TUBD1: variants seen among roughly 807,000 people sequenced by gnomAD.
TUBD1 encodes tubulin delta 1, also known as tubulin delta chain.
TUBD1 carries 38 observed loss-of-function variants against 51.2 expected under a neutral mutation model. The observed-to-expected ratio is 0.74, with a 90% CI of 0.57 to 0.97. The LOEUF (loss-of-function observed/expected upper bound fraction) is 0.97. TUBD1 is among the 50% of genes least tolerant of loss of function. TUBD1 has a pLI of 0.00. For synonymous variants in TUBD1, 169 were observed against 178.2 expected (o/e 0.95, Z 0.41); for missense variants, 489 against 538.4 (o/e 0.91, Z 0.91).
intron 5 of TUBD1, among the ~76,000 whole-genome samples, chr17:59,877,712 A>C (rs1250996396): frequency 6.6e-6 from 1 of 151,352 alleles, no homozygotes; most frequent in Non-Finnish European, 1.5e-5. Context: ...CAGGAGGCAG[A>C]GGTTGCAGTG....
chr17:59,863,778 G>A lies in TUBD1; in HGVS notation c.1145C>T (p.Thr382Ile), dbSNP rs2039574317. ...KPVNAFNVWKTQRAFSKYEKS... is the reference protein window; with the variant it reads ...KPVNAFNVWKIQRAFSKYEKS... ...CTCATATTTGCTAAAGGCCCGCTGGGTTTTCCACACGTTGAAAGCATTAAC... is the reference window on the plus strand; with the variant it reads ...CTCATATTTGCTAAAGGCCCGCTGGATTTTCCACACGTTGAAAGCATTAAC... Residue 382 changes from threonine (T) to isoleucine (I), a missense_variant, in exon 8 of 9, where the codon ACC (threonine) becomes ATC (isoleucine). Coordinates refer to ENST00000325752, the MANE Select transcript of TUBD1 (RefSeq NM_016261.4). The A allele has an allele frequency of 3.1e-6, 5 of 1,610,990 alleles. No individual in the cohort carries two copies. The East Asian group carries it at 8.9e-5, about 29-fold the overall frequency.
intron 3 of TUBD1, chr17:59,885,644 G>T: frequency 1.4e-6 from 1 of 711,938 alleles, no homozygotes; most frequent in South Asian, 1.7e-5. Flanking sequence ...AAAACTCAGT[G>T]CTGTGGTTAA....
chr17:59,868,283 CA>C (rs11401623), intron 6 of TUBD1, among the ~76,000 whole-genome samples: 219 of 49,138 alleles, frequency 4.5e-3, no homozygotes, highest in Admixed American at 5.9e-3. Flanking sequence ...GACTCCATGT[CA>C]AAAAAAAAAA....
At chr17:59,884,756 A>C (rs1056829228) in intron 3 of TUBD1, 2 of 153,530 alleles carry the variant, frequency 1.3e-5, no homozygotes, top group African/African-American at 4.8e-5. Flanking sequence ...CCTTGTCTCT[A>C]CTAAAAAAAT....
intron 6 of TUBD1, among the ~76,000 whole-genome samples, chr17:59,868,953 G>A (rs1228360335): frequency 6.6e-6 from 1 of 151,762 alleles, no homozygotes; most frequent in Non-Finnish European, 1.5e-5. Context: ...GGAGTTTGAG[G>A]CTGCATTGAG....
chr17:59,871,226 C>T (rs1382215531), intron 6 of TUBD1, among the ~76,000 whole-genome samples: 1 of 152,118 alleles, frequency 6.6e-6, no homozygotes, highest in Non-Finnish European at 1.5e-5. Flanking sequence ...GACAGGGTCT[C>T]GCTCTGTCGC....
At position 59,881,023 on chromosome 17, in the gene TUBD1, A is replaced by G. The variant is rs745333854; in HGVS notation, c.408T>C (p.Phe136=). The G allele has an allele frequency of 1.9e-5, 30 of 1,614,062 alleles. No homozygotes were observed. The highest frequency in any genetic ancestry group is 1.0e-5 in the Non-Finnish European group (12 of 1,180,034). The change falls in exon 4 of 9, where the codon TTT becomes TTC. Residue 136 remains phenylalanine (F), a synonymous_variant. Transcript: ENST00000325752. ...EVEKCDSFSG[F]FIIMSMAGGT... is the part of the protein sequence containing the mutation. ...CCCCAGCCATACTCATTATGATGAAAAAACCACTGAAAGAGTCACATTTCT... is the reference window on the plus strand; with the variant it reads ...CCCCAGCCATACTCATTATGATGAAGAAACCACTGAAAGAGTCACATTTCT...
chr17:59,890,090 T>C lies in TUBD1; in HGVS notation c.172+741A>G, dbSNP rs147379539. ...CCACCGCACTCCAGCTTGGGCAACA[T>C]AGTGTAGTAAGAACCTGTCTCTACA... On this transcript the variant is annotated intron_variant, in intron 2 of 8. Coordinates refer to ENST00000325752, the MANE Select transcript of TUBD1 (RefSeq NM_016261.4). 4.6e-3 allele frequency among the ~76,000 whole-genome samples: 694 copies of C among 150,280 alleles called. 14 individuals are homozygous for C. The South Asian group carries it at 0.048, about 10-fold the overall frequency.
intron 6 of TUBD1, among the ~76,000 whole-genome samples, chr17:59,868,514 A>C (rs896138938): frequency 2.8e-4 from 42 of 151,928 alleles, no homozygotes; most frequent in Middle Eastern, 6.8e-3. Context: ...TGGGCAACAT[A>C]GTCAGACCCC....
intron 3 of TUBD1, among the ~76,000 whole-genome samples, chr17:59,881,707 A>C (rs1292055): frequency 6.6e-6 from 1 of 151,582 alleles, no homozygotes. Flanking sequence ...ACAGAGTTTC[A>C]CTCTTGTCAC....
chr17:59,879,160 C>T (rs374608400), intron 4 of TUBD1, among the ~76,000 whole-genome samples: 4 of 150,544 alleles, frequency 2.7e-5, no homozygotes, highest in South Asian at 2.1e-4. Context: ...CCCAGCTACC[C>T]GGGAGGCTGA....
rs762327279 is a variant in TUBD1, at chr17:59,866,762, A to G, written c.935-13T>C. 2 of 1,581,676 alleles carry G rather than the reference A, an allele frequency of 1.3e-6. No individual in the cohort carries two copies. Among genetic ancestry groups the G allele is most frequent in the South Asian group, 1.2e-5 (1 of 85,236 alleles). On this transcript the variant is annotated splice_polypyrimidine_tract_variant and intron_variant, in intron 6 of 8. Transcript: ENST00000325752. ...TGCCTATCAATACCTACCAAAAGAAAAAAAAAGCAAGAGGTTTTATTTTAT... is the reference window on the plus strand; with the variant it reads ...TGCCTATCAATACCTACCAAAAGAAGAAAAAAGCAAGAGGTTTTATTTTAT...
chr17:59,876,680 T>C (rs2040241264), intron 5 of TUBD1, among the ~76,000 whole-genome samples: 1 of 151,760 alleles, frequency 6.6e-6, no homozygotes, highest in Admixed American at 6.6e-5. Context: ...TTAGTAGAGA[T>C]GAGGTCTTGC....
intron 6 of TUBD1, among the ~76,000 whole-genome samples, chr17:59,870,651 C>T (rs1339429214): frequency 6.6e-6 from 1 of 152,124 alleles, no homozygotes; most frequent in African/African-American, 2.4e-5. Context: ...CATGTCTTCC[C>T]CGTCCAGCTC....
chr17:59,872,292 G>C (rs2040017247), intron 6 of TUBD1, among the ~76,000 whole-genome samples: 2 of 151,938 alleles, frequency 1.3e-5, no homozygotes, highest in South Asian at 2.1e-4. Flanking sequence ...ATGGGGTCTT[G>C]CTTTGTTGCT....
At chr17:59,877,863 TAAAAAAAGA>T (rs1235864996) in intron 5 of TUBD1, among the ~76,000 whole-genome samples, 1 of 151,468 alleles carries the variant, frequency 6.6e-6, no homozygotes, top group Non-Finnish European at 1.5e-5. Context: ...TGGTTTCTAT[TAAAAAAAGA>T]AAAAAAAGAA....
chr17:59,874,323 A>T (rs547413371), intron 6 of TUBD1, among the ~76,000 whole-genome samples: 34 of 152,174 alleles, frequency 2.2e-4, no homozygotes, highest in Middle Eastern at 3.4e-3. Context: ...ATAAAAATTT[A>T]AAAAAAATCT....
chr17:59,885,398 G>A lies in TUBD1; in HGVS notation c.320+685C>T, dbSNP rs552106319. The A allele has an allele frequency of 1.1e-5, 11 of 1,021,150 alleles. No homozygotes were observed. The East Asian group carries it at 2.5e-4, about 23-fold the overall frequency. 63.3% of individuals were successfully genotyped at this position (1,021,150 alleles called of 1,614,324 possible). On this transcript the variant is annotated intron_variant, in intron 3 of 8. Coordinates refer to ENST00000325752, the MANE Select transcript of TUBD1 (RefSeq NM_016261.4). ...AATGTCATGTGTATGCAGCTGTTCG[G>A]CTTCATGGCTCTCATGATATTCATG...
In TUBD1 at chr17:59,860,339, T is replaced by G; in HGVS notation, c.1345A>C (p.Ser449Arg). 6.2e-7 allele frequency: 1 copy of G among 1,610,900 alleles called. No homozygotes were observed. Among genetic ancestry groups the G allele is most frequent in the Non-Finnish European group, 8.5e-7 (1 of 1,178,372 alleles). ...SFTSLEQVVA[S>R]YCNL ...GTTCAAGATCAGAGATTACAGTAACTGGCAACAACCTGCTCTAATGACGTG... is the reference window on the plus strand; with the variant it reads ...GTTCAAGATCAGAGATTACAGTAACGGGCAACAACCTGCTCTAATGACGTG... The change falls in exon 9 of 9, where the codon AGT (serine) becomes CGT (arginine). Residue 449 changes from serine (S) to arginine (R), a missense_variant. Ser to Arg is a moderately radical substitution (Grantham distance 110, BLOSUM62 -1). Coordinates refer to ENST00000325752, the MANE Select transcript of TUBD1 (RefSeq NM_016261.4).
Sources: allele counts gnomAD v4.1 joint callset (sites outside exome capture counted in the v4.1 genomes callset), GRCh38; gene constraint gnomAD v4.1.1; transcripts MANE v1.5; gene names NCBI Gene and HGNC (gene_info 2026-07-23, HGNC 2026-07-21).